IRAG2: variants seen among roughly 807,000 people sequenced by gnomAD.
IRAG2 encodes lymphoid restricted membrane protein.
Under a neutral mutation model 69.9 loss-of-function variants are expected in IRAG2, and 45 were observed. The observed-to-expected ratio is 0.64, with a 90% CI of 0.51 to 0.83. IRAG2 has a LOEUF of 0.83. Among genes scored for constraint, IRAG2 ranks in the 40% least tolerant of loss-of-function variants. The probability of loss-of-function intolerance (pLI) is 0.00; values close to 1 mark genes in which losing one functional copy is unlikely to be tolerated. For synonymous variants in IRAG2, 193 were observed against 202.4 expected (o/e 0.95, Z 0.40); for missense variants, 520 against 587.0 (o/e 0.89, Z 1.18).
At chr12:25,068,659 G>T (rs906596074) in intron 5 of IRAG2, among the ~76,000 whole-genome samples, 3 of 152,008 alleles carry the variant, frequency 2.0e-5, no homozygotes, top group Non-Finnish European at 2.9e-5. Context: ...GAAGATGCTC[G>T]TAATACTCAG....
At chr12:25,054,096 A>G (rs1045326872) in intron 1 of IRAG2, among the ~76,000 whole-genome samples, 1 of 152,126 alleles carries the variant, frequency 6.6e-6, no homozygotes, top group Admixed American at 6.6e-5. Context: ...AAATAAATAA[A>G]ACATTAAAAT....
intron 6 of IRAG2, among the ~76,000 whole-genome samples, chr12:25,071,218 C>A (rs376499742): frequency 1.8e-4 from 28 of 152,086 alleles, no homozygotes; most frequent in East Asian, 9.7e-4. Context: ...AGGTGGCGGG[C>A]ACCTATACTC....
upstream of IRAG2, among the ~76,000 whole-genome samples, chr12:25,003,367 G>T (rs1426756217): frequency 1.3e-5 from 2 of 151,920 alleles, no homozygotes; most frequent in Admixed American, 6.6e-5. Context: ...AATCTAATCT[G>T]TCCATCCATC....
chr12:25,067,664 T>A (rs936121024), intron 5 of IRAG2, among the ~76,000 whole-genome samples: 8 of 152,152 alleles, frequency 5.3e-5, no homozygotes, highest in African/African-American at 1.9e-4. Flanking sequence ...TTCATTTATT[T>A]ATTTATTTAA....
intron 4 of IRAG2, 94 bp from the exon 5 acceptor site, chr12:25,066,271 T>A: frequency 5.0e-6 from 2 of 397,392 alleles, no homozygotes; most frequent in Non-Finnish European, 8.9e-6. Flanking sequence ...TAACTTTCAC[T>A]TTTTCAGTCT....
intron 10 of IRAG2, among the ~76,000 whole-genome samples, 171 bp from the exon 11 acceptor site, chr12:25,087,929 C>T (rs1947750224): frequency 6.6e-6 from 1 of 152,180 alleles, no homozygotes; most frequent in Non-Finnish European, 1.5e-5. Context: ...CACCTCACCC[C>T]CGTGGAAAAA....
intron 6 of IRAG2, among the ~76,000 whole-genome samples, chr12:25,070,414 G>A (rs948944443): frequency 2.0e-5 from 3 of 152,120 alleles, no homozygotes; most frequent in African/African-American, 7.2e-5. Flanking sequence ...AGGTTCTCAA[G>A]GTTCTCAGCA....
At chr12:25,055,574 A>T (rs958325909) in intron 1 of IRAG2, among the ~76,000 whole-genome samples, 2 of 152,292 alleles carry the variant, frequency 1.3e-5, no homozygotes, top group East Asian at 3.9e-4. Context: ...CGTCATTTAC[A>T]TTAGGTATTT....
rs1947289849 is a variant in IRAG2 at position 25,082,531 on chromosome 12, C to T, written c.245-892C>T. 2.6e-5 allele frequency among the ~76,000 whole-genome samples: 4 copies of T among 151,596 alleles called. No individual in the cohort carries two copies. The South Asian group carries it at 8.3e-4, about 32-fold the overall frequency. On this transcript the variant is annotated intron_variant, in intron 9 of 21. Transcript: ENST00000556887. ...GGTAGGATCACTTGAGCCTGGGAGG[C>T]GGAGGTTGCAGTGAGCTGAGACTGC...
upstream of IRAG2, among the ~76,000 whole-genome samples, chr12:25,047,271 T>C (rs1323774833): frequency 6.6e-6 from 1 of 152,208 alleles, no homozygotes; most frequent in Non-Finnish European, 1.5e-5. Context: ...GCAAGATTTC[T>C]TGGATATGAC....
chr12:25,104,187 T>C, intron 19 of IRAG2, 129 bp downstream of exon 19: 1 of 895,332 alleles, frequency 1.1e-6, no homozygotes, highest in Admixed American at 2.7e-5. Flanking sequence ...AATAATTATA[T>C]AAATTGGTAT....
chr12:25,000,649 A>C (rs1438697944), upstream of IRAG2, among the ~76,000 whole-genome samples: 2 of 152,182 alleles, frequency 1.3e-5, no homozygotes, highest in Non-Finnish European at 2.9e-5. Flanking sequence ...AATTTTAAAA[A>C]CCATGGAAAA....
Position 25,090,087 on chromosome 12 carries a change from A to G in IRAG2, c.496A>G (p.Lys166Glu). 1.2e-6 allele frequency: 2 copies of G among 1,614,054 alleles called. No individual in the cohort carries two copies. Among genetic ancestry groups the G allele is most frequent in the Non-Finnish European group, 1.7e-6 (2 of 1,179,912 alleles). Residue 166 changes from lysine to glutamate, a missense_variant, in exon 14 of 22, where the codon AAG (lysine) becomes GAG (glutamate). Coordinates refer to ENST00000556887, the MANE Select transcript of IRAG2 (RefSeq NM_001366544.2). ...AEFLRLSLGF[K>E]CDWFTLEKRV... Reference sequence around the variant, plus strand: ...ATTTCTCAGATTATCTTTGGGATTTAAGTGTGACTGGTTTACCTTGGAGAA... The same window carrying G: ...ATTTCTCAGATTATCTTTGGGATTTGAGTGTGACTGGTTTACCTTGGAGAA...
chr12:25,108,207 C>A lies in IRAG2; in HGVS notation c.*147C>A. 1 of 845,790 alleles carries A rather than the reference C, an allele frequency of 1.2e-6. No homozygotes were observed. The highest frequency in any genetic ancestry group is 1.8e-6 in the Non-Finnish European group (1 of 562,808). The allele number at this position is 845,790 out of a possible 1,614,324, so 52.4% of individuals were successfully genotyped here. A position where few individuals can be genotyped will look rare whatever the true frequency, so the allele number is the denominator to read the frequency against. ...GATAGCTTACATTTCCTCTTTTTGC[C>A]TTTATCTCCCCAACTAAAATACAAT... is the stretch of plus-strand genomic sequence containing the variant. On this transcript the variant is annotated 3_prime_UTR_variant, in exon 22 of 22. Transcript: ENST00000556887.
In IRAG2 at chr12:25,104,076, G is replaced by A; in HGVS notation, c.1046+18G>A. ...AGCAGTTGGTAAGTGTAATTTTATG[G>A]TTCCTCTTTGGGAACCTTACTATTT... is the stretch of plus-strand genomic sequence containing the variant. On this transcript the variant is annotated intron_variant, in intron 19 of 21. Transcript: ENST00000556887. The A allele has an allele frequency of 6.2e-7, 1 of 1,610,392 alleles. No individual in the cohort carries two copies. The highest frequency in any genetic ancestry group is 1.3e-5 in the African/African-American group (1 of 74,908).
At chr12:25,017,061 T>C in intron 5 of IRAG2, 1 of 1,176,958 alleles carries the variant, frequency 8.5e-7, no homozygotes, top group Non-Finnish European at 1.1e-6. Flanking sequence ...TTGGTTTGTT[T>C]AACCGTATAC....
intron 12 of IRAG2, chr12:25,033,762 G>T (rs541317441): frequency 5.1e-6 from 2 of 395,316 alleles, no homozygotes; most frequent in Admixed American, 4.4e-5. Context: ...TGATTGTTTC[G>T]TGATAAATGG....
In IRAG2 at chr12:25,096,928, G is replaced by A. The variant is rs765381586; in HGVS notation, c.625G>A (p.Glu209Lys). The change falls in exon 15 of 22, where the codon GAA becomes AAA. Residue 209 changes from glutamate to lysine, a missense_variant. Glu to Lys is a moderately conservative substitution (Grantham distance 56, BLOSUM62 1). Coordinates refer to ENST00000556887, the MANE Select transcript of IRAG2 (RefSeq NM_001366544.2). ...TATACAGTCTTTAACACCTCTGTGT[G>A]AAGATGACAACCAGGCACAGGAAAT... ...KLLESLTPLC[E>K]DDNQAQEIIK... is the part of the protein sequence containing the mutation. 1.2e-6 allele frequency: 2 copies of A among 1,613,292 alleles called. No individual in the cohort carries two copies. The highest frequency in any genetic ancestry group is 1.7e-6 in the Non-Finnish European group (2 of 1,179,642).
At chr12:25,038,098 G>A in exon 16 of IRAG2, 2 of 398,836 alleles carry the variant, frequency 5.0e-6, no homozygotes, top group Non-Finnish European at 8.8e-6. Context: ...AAGAGATTCA[G>A]GCAGGAATAT....
Sources: allele counts gnomAD v4.1 joint callset (sites outside exome capture counted in the v4.1 genomes callset), GRCh38; gene constraint gnomAD v4.1.1; transcripts MANE v1.5; gene names NCBI Gene and HGNC (gene_info 2026-07-23, HGNC 2026-07-21).